Variants in ESR1 observed in about 807,000 individuals in gnomAD.
ESR1 encodes the protein estrogen receptor 1.
Under a neutral mutation model 52.7 loss-of-function variants are expected in ESR1, and 12 were observed. That is an observed-to-expected ratio of 0.23 (90% CI 0.15 to 0.37). The LOEUF (loss-of-function observed/expected upper bound fraction) is 0.37. Among genes scored for constraint, ESR1 ranks in the 10% least tolerant of loss-of-function variants. The pLI is 1.00. For synonymous variants in ESR1, 305 were observed against 316.8 expected (o/e 0.96, Z 0.39); for missense variants, 584 against 779.7 (o/e 0.75, Z 2.99).
intron 5 of ESR1, among the ~76,000 whole-genome samples, chr6:152,016,385 A>AG (rs2043173095): frequency 2.0e-5 from 3 of 152,252 alleles, no homozygotes; most frequent in Admixed American, 2.0e-4. Context: ...ACATGATATT[A>AG]AAAATATGGT....
At chr6:151,889,061 A>G (rs766928024) in intron 3 of ESR1, among the ~76,000 whole-genome samples, 1 of 152,038 alleles carries the variant, frequency 6.6e-6, no homozygotes. Flanking sequence ...ATGACAATCA[A>G]TTTTGCTAGT....
intron 2 of ESR1, among the ~76,000 whole-genome samples, chr6:151,777,653 C>T (rs1424763612): frequency 6.6e-6 from 1 of 152,022 alleles, no homozygotes; most frequent in Non-Finnish European, 1.5e-5. Context: ...AGTGGGTGAC[C>T]ATGGGTGATT....
chr6:151,942,885 T>G (rs150548051), intron 3 of ESR1, among the ~76,000 whole-genome samples: 1 of 152,202 alleles, frequency 6.6e-6, no homozygotes, highest in African/African-American at 2.4e-5. Context: ...TTGGAGAGAT[T>G]AACTTCTTTG....
At chr6:151,698,780 A>G (rs576150478) in intron 1 of ESR1, among the ~76,000 whole-genome samples, 2 of 152,320 alleles carry the variant, frequency 1.3e-5, no homozygotes, top group South Asian at 2.1e-4. Flanking sequence ...ACTCCTGAGA[A>G]TGTTCCATGG....
At chr6:151,789,199 T>C (rs1787300046) in intron 2 of ESR1, among the ~76,000 whole-genome samples, 1 of 152,204 alleles carries the variant, frequency 6.6e-6, no homozygotes, top group South Asian at 2.1e-4. Context: ...TGTAAATTAG[T>C]GCAGCCATTT....
At chr6:151,882,584 T>C (rs1793124963) in intron 3 of ESR1, among the ~76,000 whole-genome samples, 1 of 152,358 alleles carries the variant, frequency 6.6e-6, no homozygotes, top group East Asian at 1.9e-4. Flanking sequence ...AAGCTTTATT[T>C]GAAACAGTGG....
intron 6 of ESR1, among the ~76,000 whole-genome samples, chr6:152,080,261 C>G (rs1366258245): frequency 6.6e-6 from 1 of 151,954 alleles, no homozygotes; most frequent in Non-Finnish European, 1.5e-5. Context: ...GGGTTACCCA[C>G]AAAGGGAAGC....
rs79398063 is a variant in ESR1 at position 151,859,751 on chromosome 6, C to T, written c.643+16964C>T. ...GCTTTGGGACACACCTCTGGACCAA[C>T]TAGCTGTTCTCAGGAGGCAGTAACA... On this transcript the variant is annotated intron_variant, in intron 2 of 7. Coordinates refer to ENST00000206249, the MANE Select transcript of ESR1 (RefSeq NM_000125.4). 4.3e-3 allele frequency among the ~76,000 whole-genome samples: 662 copies of T among 152,314 alleles called. 3 individuals carry two copies. The highest frequency in any genetic ancestry group is 0.014 in the African/African-American group (563 of 41,572).
intron 2 of ESR1, among the ~76,000 whole-genome samples, chr6:151,858,903 AG>A: frequency 6.6e-6 from 1 of 152,234 alleles, no homozygotes; most frequent in Non-Finnish European, 1.5e-5. Context: ...AAGATTTAGT[AG>A]AGGCTGTTCC....
chr6:151,672,927 C>T (rs1778123009), intron 1 of ESR1, among the ~76,000 whole-genome samples: 1 of 149,706 alleles, frequency 6.7e-6, no homozygotes, highest in African/African-American at 2.5e-5. Context: ...CTCCCGGGTT[C>T]ACGCCATTCT....
chr6:151,988,252 G>T (rs11969067), intron 4 of ESR1, among the ~76,000 whole-genome samples: 4,290 of 152,164 alleles, frequency 0.028, 215 homozygotes, highest in African/African-American at 0.095. Context: ...CCATCTGGGG[G>T]TGATGGGAGA....
intron 3 of ESR1, among the ~76,000 whole-genome samples, chr6:151,920,741 G>A (rs1158740902): frequency 6.6e-6 from 1 of 151,998 alleles, no homozygotes; most frequent in Admixed American, 6.6e-5. Context: ...AGACCACAGA[G>A]GTTAAGTGTG....
intron 2 of ESR1, among the ~76,000 whole-genome samples, chr6:151,768,690 G>A (rs1037364813): frequency 6.6e-6 from 1 of 152,158 alleles, no homozygotes; most frequent in Admixed American, 6.5e-5. Flanking sequence ...TTCATAGATA[G>A]ATAGATGACA....
intron 1 of ESR1, among the ~76,000 whole-genome samples, chr6:151,667,463 G>A (rs1777871608): frequency 6.6e-6 from 1 of 152,102 alleles, no homozygotes; most frequent in Non-Finnish European, 1.5e-5. Context: ...CATTTGTGAG[G>A]GAGCTGGTCT....
At position 151,850,114 on chromosome 6, in the gene ESR1, T is replaced by TAATATATA. The variant is rs61329041; in HGVS notation, c.643+7327_643+7328insAATATATA. On this transcript the variant is annotated intron_variant, in intron 2 of 7. Transcript: ENST00000206249. ...TATAATTTTATATATATATACAAAATTATATATATATGTCTGGTACAGGCT... is the reference window on the plus strand; with the variant it reads ...TATAATTTTATATATATATACAAAATAATATATATATATATATATGTCTGGTACAGGCT... Among the ~76,000 whole-genome samples, 65 of 34,970 alleles carry TAATATATA rather than the reference T, an allele frequency of 1.9e-3. 10 individuals carry two copies. The highest frequency in any genetic ancestry group is 3.9e-3 in the African/African-American group (34 of 8,776). The allele number at this position is 34,970 out of a possible 152,430, so 22.9% of individuals were successfully genotyped here.
intron 2 of ESR1, among the ~76,000 whole-genome samples, chr6:151,771,509 G>A (rs1016389835): frequency 6.6e-6 from 1 of 152,058 alleles, no homozygotes; most frequent in African/African-American, 2.4e-5. Context: ...ACCTTTTGTT[G>A]CTATTTCACC....
intron 1 of ESR1, among the ~76,000 whole-genome samples, chr6:151,662,310 A>G (rs1350879506): frequency 6.6e-6 from 1 of 152,230 alleles, no homozygotes; most frequent in Non-Finnish European, 1.5e-5. Flanking sequence ...ATGTGCAACA[A>G]TATAGGTTTA....
intron 5 of ESR1, among the ~76,000 whole-genome samples, chr6:152,057,651 A>G (rs1466187358): frequency 2.0e-5 from 3 of 151,550 alleles, no homozygotes; most frequent in East Asian, 1.9e-4. Flanking sequence ...TTAATAGTCA[A>G]CATATGCCCC....
intron 2 of ESR1, among the ~76,000 whole-genome samples, chr6:151,726,400 C>T (rs948262156): frequency 1.2e-4 from 18 of 151,764 alleles, no homozygotes; most frequent in South Asian, 2.1e-4. Context: ...GGCGCAATCT[C>T]GGCTCACTGC....
Sources: allele counts gnomAD v4.1 joint callset (sites outside exome capture counted in the v4.1 genomes callset), GRCh38; gene constraint gnomAD v4.1.1; transcripts MANE v1.5; gene names NCBI Gene and HGNC (gene_info 2026-07-23, HGNC 2026-07-21).